The following ADH7 variants were observed in gnomAD, a reference collection of about 807,000 sequenced individuals.
The protein encoded by ADH7 is alcohol dehydrogenase 7 (class IV), mu or sigma polypeptide.
Under a neutral mutation model 34.4 loss-of-function variants are expected in ADH7, and 41 were observed. The observed-to-expected ratio is 1.19, with a 90% CI of 0.93 to 1.55. The LOEUF is 1.55. Ranked by LOEUF, ADH7 falls within the 40% of genes most tolerant of loss-of-function variation. ADH7 has a pLI of 0.00. For missense variants in ADH7, 540 were observed against 461.2 expected, an observed-to-expected ratio of 1.17 and a Z score of -1.56; for synonymous variants, 180 against 160.9, an observed-to-expected ratio of 1.12 and a Z score of -0.90.
In ADH7 at chr4:99,435,243, G is replaced by A. The variant is rs563882355; in HGVS notation, c.-10C>T. On this transcript the variant is annotated 5_prime_UTR_variant, in exon 1 of 9. Coordinates refer to ENST00000437033, the MANE Select transcript of ADH7 (RefSeq NM_000673.7). ...TTCCAGCAGTGCCCATCCTGTCTTT[G>A]TCTTGGATCTGTATTTCTGCAAACA... 6.2e-7 allele frequency: 1 copy of A among 1,613,428 alleles called. No homozygotes were observed. Among genetic ancestry groups the A allele is most frequent in the Non-Finnish European group, 8.5e-7 (1 of 1,179,738 alleles).
intron 8 of ADH7, among the ~76,000 whole-genome samples, chr4:99,414,200 C>A (rs895236193): frequency 2.6e-5 from 4 of 152,080 alleles, no homozygotes; most frequent in Non-Finnish European, 4.4e-5. Context: ...GTGGTTCTGA[C>A]AGTTTTTCTT....
intron 5 of ADH7, among the ~76,000 whole-genome samples, chr4:99,421,959 C>G (rs1183316125): frequency 1.3e-5 from 2 of 152,234 alleles, no homozygotes; most frequent in African/African-American, 4.8e-5. Context: ...GTGATACCAT[C>G]TCATGCCAGT....
intron 2 of ADH7, 58 bp downstream of exon 2, chr4:99,429,474 A>G: frequency 8.1e-7 from 1 of 1,236,698 alleles, no homozygotes; most frequent in Non-Finnish European, 1.2e-6. Flanking sequence ...CAACAGTGCT[A>G]TATTCAATAT....
chr4:99,434,010 G>T (rs888427082), intron 1 of ADH7, among the ~76,000 whole-genome samples: 2 of 151,992 alleles, frequency 1.3e-5, no homozygotes, highest in Non-Finnish European at 2.9e-5. Context: ...TAATCCTTAG[G>T]CAAACCACAC....
intron 1 of ADH7, among the ~76,000 whole-genome samples, chr4:99,432,153 T>A (rs556301481): frequency 2.4e-4 from 36 of 152,240 alleles, no homozygotes; most frequent in Admixed American, 1.0e-3. Flanking sequence ...AATAAGATCA[T>A]ATTCTTTGCA....
At chr4:99,420,443 G>A (rs553685168) in intron 6 of ADH7, 90 bp downstream of exon 6, 2 of 1,341,436 alleles carry the variant, frequency 1.5e-6, no homozygotes, top group African/African-American at 2.9e-5. Flanking sequence ...TTCCATTATT[G>A]ACTATTAATA....
chr4:99,426,168 A>G (rs1721799954), intron 5 of ADH7, among the ~76,000 whole-genome samples: 1 of 152,192 alleles, frequency 6.6e-6, no homozygotes. Flanking sequence ...ACAAGAGCAA[A>G]CACATTCAAA....
intron 5 of ADH7, among the ~76,000 whole-genome samples, chr4:99,423,343 T>C (rs2110136682): frequency 6.6e-6 from 1 of 151,512 alleles, no homozygotes; most frequent in East Asian, 2.0e-4. Context: ...AACATACGTG[T>C]GCATGTGTCT....
chr4:99,429,567 C>T lies in ADH7; in HGVS notation c.85G>A (p.Val29Ile). 4 of 1,612,440 alleles carry T rather than the reference C, an allele frequency of 2.5e-6. No homozygotes were observed. Among genetic ancestry groups the T allele is most frequent in the South Asian group, 2.2e-5 (2 of 90,706 alleles). Reference protein sequence around the residue: ...KQPFSIEEIEVAPPKTKEVRI... With the variant: ...KQPFSIEEIEIAPPKTKEVRI... ...ACTTCTTTAGTCTTTGGTGGGGCAA[C>T]TTCTATTTCCTCAATGGAGAAGGGT... The change falls in exon 2 of 9, where the codon GTT becomes ATT. Residue 29 changes from valine to isoleucine, a missense_variant. Transcript: ENST00000437033.
intron 7 of ADH7, among the ~76,000 whole-genome samples, chr4:99,416,872 C>T (rs1476691784): frequency 5.9e-5 from 9 of 152,124 alleles, no homozygotes; most frequent in Non-Finnish European, 1.2e-4. Flanking sequence ...ACCCTAGCCC[C>T]CAATCTATTC....
chr4:99,422,558 C>T (rs1721691196), intron 5 of ADH7, among the ~76,000 whole-genome samples: 1 of 152,006 alleles, frequency 6.6e-6, no homozygotes. Context: ...ATGCAGCAAA[C>T]CACCATGGCG....
intron 5 of ADH7, among the ~76,000 whole-genome samples, 183 bp downstream of exon 5, chr4:99,427,590 A>C (rs561319219): frequency 1.6e-4 from 24 of 152,290 alleles, no homozygotes; most frequent in Admixed American, 1.5e-3. Flanking sequence ...AGAAGAAATA[A>C]AATTTCTAAT....
chr4:99,422,840 T>A (rs1276538747), intron 5 of ADH7, among the ~76,000 whole-genome samples: 1 of 148,586 alleles, frequency 6.7e-6, no homozygotes, highest in Non-Finnish European at 1.5e-5. Flanking sequence ...CCTATTTTAT[T>A]TTTTTTTCTA....
At chr4:99,425,390 A>G (rs1029809977) in intron 5 of ADH7, among the ~76,000 whole-genome samples, 1 of 152,038 alleles carries the variant, frequency 6.6e-6, no homozygotes. Flanking sequence ...GGAAAACAAA[A>G]AAAGGCAGGG....
intron 3 of ADH7, 102 bp downstream of exon 3, chr4:99,428,390 G>T: frequency 7.2e-7 from 1 of 1,395,930 alleles, no homozygotes; most frequent in Non-Finnish European, 9.8e-7. Context: ...TCCCTGAATT[G>T]TGTTAAGGAT....
intron 5 of ADH7, 36 bp from the exon 6 acceptor site, chr4:99,420,829 T>C: frequency 1.9e-6 from 3 of 1,600,236 alleles, no homozygotes; most frequent in Non-Finnish European, 2.6e-6. Flanking sequence ...TGTTAGGTGT[T>C]AGGGTCAAAA....
intron 5 of ADH7, among the ~76,000 whole-genome samples, chr4:99,421,293 CA>C (rs1721657230): frequency 6.6e-6 from 1 of 152,054 alleles, no homozygotes; most frequent in Non-Finnish European, 1.5e-5. Context: ...GTACTGGTAC[CA>C]AAACAGATAT....
At chr4:99,433,295 TTTATAAATTG>T (rs138499870) in intron 1 of ADH7, among the ~76,000 whole-genome samples, 8,080 of 152,204 alleles carry the variant, frequency 0.053, 328 homozygotes, top group Middle Eastern at 0.1. Flanking sequence ...TTTAAAAATG[TTTATAAATTG>T]TTATAAATTG....
Position 99,420,579 on chromosome 4 carries a change from T to A in ADH7, c.779A>T (p.Asn260Ile). The change falls in exon 6 of 9, where the codon AAC (asparagine) becomes ATC (isoleucine). Residue 260 changes from asparagine (N) to isoleucine (I), a missense_variant. Asn to Ile is a moderately radical substitution (Grantham distance 149, BLOSUM62 -3). Transcript: ENST00000437033. Reference sequence around the variant, plus strand: ...AACTTCAAAGGTGTATCCCACGTTGTTGCCTGTCATTTCTGACAGCACCTC... The same window carrying A: ...AACTTCAAAGGTGTATCCCACGTTGATGCCTGTCATTTCTGACAGCACCTC... ...ISEVLSEMTG[N>I]NVGYTFEVIG... The A allele has an allele frequency of 6.2e-7, 1 of 1,613,974 alleles. No homozygotes were observed.
Sources: allele counts gnomAD v4.1 joint callset (sites outside exome capture counted in the v4.1 genomes callset), GRCh38; gene constraint gnomAD v4.1.1; transcripts MANE v1.5; gene names NCBI Gene and HGNC (gene_info 2026-07-23, HGNC 2026-07-21).